The following CDK5RAP2 variants were observed in gnomAD, a reference collection of about 807,000 sequenced individuals.
CDK5RAP2 encodes CDK5 regulatory subunit associated protein 2.
CDK5RAP2 carries 147 observed loss-of-function variants against 232.9 expected under a neutral mutation model. The ratio of observed to expected loss-of-function variants is 0.63; its 90% CI spans 0.55 to 0.72. The LOEUF is 0.72. Among genes scored for constraint, CDK5RAP2 ranks in the 30% least tolerant of loss-of-function variants. The pLI is 0.00. For missense variants in CDK5RAP2, 2,195 were observed against 2,231.5 expected (o/e 0.98, Z 0.33); for synonymous variants, 833 against 833.7 (o/e 1.00, Z 0.01).
intron 28 of CDK5RAP2, among the ~76,000 whole-genome samples, chr9:120,412,532 G>A (rs1372007159): frequency 1.3e-5 from 2 of 152,176 alleles, no homozygotes; most frequent in Non-Finnish European, 2.9e-5. Context: ...CCCATGCTCT[G>A]GACGCTGTCT....
chr9:120,555,420 G>A (rs1195766070), intron 3 of CDK5RAP2, among the ~76,000 whole-genome samples: 1 of 152,048 alleles, frequency 6.6e-6, no homozygotes, highest in African/African-American at 2.4e-5. Flanking sequence ...TTACAGGCGT[G>A]AGCCACCCTG....
chr9:120,454,864 T>C (rs1455019451), intron 20 of CDK5RAP2, among the ~76,000 whole-genome samples: 1 of 152,178 alleles, frequency 6.6e-6, no homozygotes, highest in Non-Finnish European at 1.5e-5. Context: ...ATTGCACCCT[T>C]ATTGACTTTG....
chr9:120,458,673 G>A, intron 19 of CDK5RAP2, 51 bp from the exon 20 acceptor site: 8 of 1,554,134 alleles, frequency 5.1e-6, no homozygotes, highest in Non-Finnish European at 7.1e-6. Flanking sequence ...GAAGGGAATG[G>A]GGTGTGTGGA....
intron 3 of CDK5RAP2, among the ~76,000 whole-genome samples, chr9:120,562,975 T>C (rs1399884286): frequency 1.3e-5 from 2 of 152,154 alleles, no homozygotes; most frequent in African/African-American, 2.4e-5. Flanking sequence ...AGGTTCAGCG[T>C]TGAGTACCAG....
intron 12 of CDK5RAP2, among the ~76,000 whole-genome samples, chr9:120,507,256 C>T (rs1043965300): frequency 6.6e-5 from 10 of 152,222 alleles, no homozygotes; most frequent in Non-Finnish European, 1.3e-4. Flanking sequence ...TTTATATTCA[C>T]TGGAAAACCA....
At chr9:120,569,346 C>A (rs904999357) in intron 2 of CDK5RAP2, among the ~76,000 whole-genome samples, 6 of 152,096 alleles carry the variant, frequency 3.9e-5, no homozygotes, top group Non-Finnish European at 8.8e-5. Context: ...AACAAAAGGA[C>A]AACTGCATAA....
chr9:120,570,310 C>T (rs996702822), intron 2 of CDK5RAP2, among the ~76,000 whole-genome samples: 1 of 152,150 alleles, frequency 6.6e-6, no homozygotes, highest in Non-Finnish European at 1.5e-5. Context: ...ATTCAGGTCT[C>T]CGCTCCAATA....
chr9:120,502,443 C>T (rs367924138), intron 12 of CDK5RAP2, among the ~76,000 whole-genome samples: 1 of 152,174 alleles, frequency 6.6e-6, no homozygotes, highest in East Asian at 1.9e-4. Context: ...GTTCAAGTTC[C>T]AGTGTATGTA....
At chr9:120,518,365 G>T in intron 12 of CDK5RAP2, 62 bp downstream of exon 12, 1 of 1,368,300 alleles carries the variant, frequency 7.3e-7, no homozygotes, top group Non-Finnish European at 1.0e-6. Context: ...CCTACAACCA[G>T]ACACAGCCAC....
In CDK5RAP2 at chr9:120,389,118, T is replaced by C; in HGVS notation, c.*118A>G. 1 of 894,906 alleles carries C rather than the reference T, an allele frequency of 1.1e-6. No individual in the cohort carries two copies. Among genetic ancestry groups the C allele is most frequent in the Non-Finnish European group, 1.8e-6 (1 of 564,188 alleles). The allele number at this position is 894,906 out of a possible 1,614,324, so 55.4% of individuals were successfully genotyped here. A position where few individuals can be genotyped will look rare whatever the true frequency, so the allele number is the denominator to read the frequency against. The stretch of plus-strand genomic sequence containing the variant: ...AGAGAGAAAACATGAAGGGAAAAAA[T>C]AGATTTCCTTTGGCCAGACAGCTCT... On this transcript the variant is annotated 3_prime_UTR_variant, in exon 38 of 38. Transcript: ENST00000349780.
At chr9:120,500,421 T>C (rs1254427201) in intron 12 of CDK5RAP2, among the ~76,000 whole-genome samples, 2 of 152,212 alleles carry the variant, frequency 1.3e-5, no homozygotes. Flanking sequence ...GTGGCAAAAA[T>C]GCAATCACCA....
At position 120,453,807 on chromosome 9, in the gene CDK5RAP2, A is replaced by C; in HGVS notation, c.2442T>G (p.Val814=). Reference sequence around the variant, plus strand: ...TTTTACCATCAAGGTGTTCTCCAGAAACTTCCTGCTCTGTCAAGAATAGTT... The same window carrying C: ...TTTTACCATCAAGGTGTTCTCCAGACACTTCCTGCTCTGTCAAGAATAGTT... The part of the protein sequence containing the change: ...LGQLFLTEQE[V]SGEHLDGKTE... The change falls in exon 21 of 38, where the codon GTT becomes GTG. Residue 814 remains valine (V), a synonymous_variant. Transcript: ENST00000349780. The C allele has an allele frequency of 6.2e-7, 1 of 1,614,198 alleles. No homozygotes were observed. Among genetic ancestry groups the C allele is most frequent in the Admixed American group, 1.7e-5 (1 of 60,030 alleles).
At chr9:120,405,709 TAAG>T (rs1187020915) in intron 32 of CDK5RAP2, among the ~76,000 whole-genome samples, 2 of 152,242 alleles carry the variant, frequency 1.3e-5, no homozygotes, top group Non-Finnish European at 2.9e-5. Flanking sequence ...GGTTTTCTCC[TAAG>T]AATATTATTT....
chr9:120,540,149 C>T (rs183423149), intron 5 of CDK5RAP2, among the ~76,000 whole-genome samples: 85 of 152,202 alleles, frequency 5.6e-4, no homozygotes, highest in African/African-American at 2.0e-3. Flanking sequence ...GGGAACGGCA[C>T]GCCCAAATCA....
intron 25 of CDK5RAP2, among the ~76,000 whole-genome samples, chr9:120,425,539 C>A (rs2034839340): frequency 6.6e-6 from 1 of 152,222 alleles, no homozygotes; most frequent in Admixed American, 6.5e-5. Context: ...CCATCCATAA[C>A]TGAACAAGCA....
chr9:120,551,691 A>G (rs1336912539), intron 3 of CDK5RAP2, among the ~76,000 whole-genome samples: 1 of 152,228 alleles, frequency 6.6e-6, no homozygotes, highest in Non-Finnish European at 1.5e-5. Context: ...ACTCTTCTAA[A>G]TAAAAGGAGG....
chr9:120,473,196 A>G lies in CDK5RAP2; in HGVS notation c.1728-1318T>C, dbSNP rs77331671. 1.9e-3 allele frequency among the ~76,000 whole-genome samples: 290 copies of G among 152,382 alleles called. 1 individual carries two copies. The highest frequency in any genetic ancestry group is 6.6e-3 in the African/African-American group (276 of 41,584). On this transcript the variant is annotated intron_variant, in intron 15 of 37. Coordinates refer to ENST00000349780, the MANE Select transcript of CDK5RAP2 (RefSeq NM_018249.6). ...CCCAGCAATGCAATTACTGGGTCAA[A>G]GTATATGAACATCTTTAAGACTACT... is the stretch of plus-strand genomic sequence containing the variant.
intron 10 of CDK5RAP2, among the ~76,000 whole-genome samples, chr9:120,525,752 G>A (rs547537452): frequency 3.0e-4 from 46 of 152,080 alleles, no homozygotes; most frequent in African/African-American, 9.6e-4. Flanking sequence ...AAGTAGCTGG[G>A]ACCACAGGCG....
At chr9:120,454,090 G>A in intron 20 of CDK5RAP2, among the ~76,000 whole-genome samples, 1 of 152,204 alleles carries the variant, frequency 6.6e-6, no homozygotes, top group East Asian at 1.9e-4. Flanking sequence ...GTCATTTCAT[G>A]GATAAGAAGA....
Sources: gnomAD v4.1 joint callset for allele counts (sites outside exome capture counted in the v4.1 genomes callset) on GRCh38, gnomAD v4.1.1 for gene constraint, MANE v1.5 for transcripts, NCBI Gene and HGNC (gene_info 2026-07-23, HGNC 2026-07-21) for gene names.